Variants in KCTD19 observed in about 807,000 individuals in gnomAD.
The protein encoded by KCTD19 is BTB/POZ domain-containing protein KCTD19.
A neutral mutation model predicts 103.5 loss-of-function variants in KCTD19; 67 were observed. That is an observed-to-expected ratio of 0.65 (90% CI 0.53 to 0.79). KCTD19 has a LOEUF of 0.79. Ranked by LOEUF, KCTD19 falls within the 30% of genes least tolerant of loss-of-function variation. The probability of loss-of-function intolerance (pLI) is 0.00; values close to 1 mark genes in which losing one functional copy is unlikely to be tolerated. For missense variants in KCTD19, 980 were observed against 1,136.1 expected (o/e 0.86, Z 1.98); for synonymous variants, 439 against 452.2 (o/e 0.97, Z 0.37).
Position 67,293,847 on chromosome 16 carries a change from C to A in KCTD19, c.1915G>T (p.Val639Leu). The A allele has an allele frequency of 1.2e-6, 2 of 1,614,012 alleles. No individual in the cohort carries two copies. The highest frequency in any genetic ancestry group is 2.2e-5 in the East Asian group (1 of 44,864). ...ATPMQKLISLVREWDMVNCKQ... is the reference protein window; with the variant it reads ...ATPMQKLISLLREWDMVNCKQ... The stretch of plus-strand genomic sequence containing the variant: ...CAATTGACCATGTCCCATTCTCTCA[C>A]CAGGGAGATGAGTTTTTGCATGGGA... The change falls in exon 12 of 16, where the codon GTG becomes TTG. Residue 639 changes from valine to leucine, a missense_variant. Coordinates refer to ENST00000304372, the MANE Select transcript of KCTD19 (RefSeq NM_001100915.3). The surrounding 1 kb of genome is among the most constrained non-coding windows in gnomAD (Gnocchi z 4.0).
intron 2 of KCTD19, among the ~76,000 whole-genome samples, chr16:67,313,132 C>CAA (rs2036966123): frequency 6.7e-6 from 1 of 148,678 alleles, no homozygotes; most frequent in Non-Finnish European, 1.5e-5. Context: ...TTTTTTGAGA[C>CAA]AGAGTCTCCC....
Position 67,293,805 on chromosome 16 carries a change from G to T in KCTD19, c.1957C>A (p.Gln653Lys). Reference protein sequence around the residue: ...DMVNCKQWEFQPLTATRSSPL... With the variant: ...DMVNCKQWEFKPLTATRSSPL... ...CTGCTCCGTGTGGCTGTCAGTGGCT[G>T]GAATTCCCACTGTTTGCAATTGACC... The change falls in exon 12 of 16, where the codon CAG (glutamine) becomes AAG (lysine). Residue 653 changes from glutamine (Q) to lysine (K), a missense_variant. Physicochemically the swap from Gln to Lys is moderately conservative, Grantham distance 53. Coordinates refer to ENST00000304372, the MANE Select transcript of KCTD19 (RefSeq NM_001100915.3). This position sits in a 1 kb window ranked among gnomAD's most constrained non-coding sequence, Gnocchi z 4.0. 1 of 1,613,762 alleles carries T rather than the reference G, an allele frequency of 6.2e-7. No homozygotes were observed. The highest frequency in any genetic ancestry group is 8.5e-7 in the Non-Finnish European group (1 of 1,180,032).
chr16:67,301,907 G>A lies in KCTD19; in HGVS notation c.659C>T (p.Ser220Leu), dbSNP rs764587432. ...ATTATCCGGTAGTAAAATCTTCTGT[G>A]AGCGAAGAAAATTCACTTGAAAAAC... ...EFRFIVNFLRSQKILLPDNFS... is the reference protein window; with the variant it reads ...EFRFIVNFLRLQKILLPDNFS... The change falls in exon 5 of 16, where the codon TCA becomes TTA. Residue 220 changes from serine (S) to leucine (L), a missense_variant. Coordinates refer to ENST00000304372, the MANE Select transcript of KCTD19 (RefSeq NM_001100915.3). The A allele has an allele frequency of 2.5e-6, 4 of 1,613,846 alleles. No homozygotes were observed. In the South Asian group the frequency reaches 3.3e-5, roughly 13 times the overall value.
At chr16:67,297,377 A>C (rs1030320945) in intron 7 of KCTD19, 126 bp downstream of exon 7, 2 of 979,884 alleles carry the variant, frequency 2.0e-6, no homozygotes, top group African/African-American at 3.3e-5. Flanking sequence ...AAAATCCAAA[A>C]TATTGGCCTG....
Position 67,294,658 on chromosome 16 carries a change from T to C in KCTD19, c.1512A>G (p.Glu504=), listed in dbSNP as rs765737902. 20 of 1,608,810 alleles carry C rather than the reference T, an allele frequency of 1.2e-5. No individual in the cohort carries two copies. The highest frequency in any genetic ancestry group is 3.3e-5 in the Admixed American group (2 of 59,808). The change falls in exon 11 of 16, where the codon GAA becomes GAG. Residue 504 remains glutamate (E), a synonymous_variant. Transcript: ENST00000304372. The part of the protein sequence containing the change: ...WTQEKESENE[E]AFSIRRLHVV... ...CATGCAGCCTCCTGATGGAAAAAGC[T>C]TCTTCATTTTCAGATTCTTTCTCCT...
At chr16:67,308,058 TA>T (rs2036911771) in intron 2 of KCTD19, among the ~76,000 whole-genome samples, 2 of 152,110 alleles carry the variant, frequency 1.3e-5, no homozygotes, top group Non-Finnish European at 2.9e-5. Context: ...TTGTAAAGAT[TA>T]AATGAAATAG....
rs757095239 is a variant in KCTD19, at chr16:67,294,935, C to T, written c.1475+38G>A. The T allele has an allele frequency of 3.3e-6, 5 of 1,506,496 alleles. No individual in the cohort carries two copies. In the African/African-American group the frequency reaches 6.9e-5, roughly 21 times the overall value. 93.3% of individuals were successfully genotyped at this position (1,506,496 alleles called of 1,614,324 possible). On this transcript the variant is annotated intron_variant, in intron 10 of 15. Coordinates refer to ENST00000304372, the MANE Select transcript of KCTD19 (RefSeq NM_001100915.3). The stretch of plus-strand genomic sequence containing the variant: ...GGATTTCAAGAGGAATTTAAAGGAC[C>T]AAATTCTAAACATAGAGTCGTGATA...
At chr16:67,305,109 A>T (rs115772673) in intron 2 of KCTD19, among the ~76,000 whole-genome samples, 1,580 of 152,322 alleles carry the variant, frequency 0.01, 27 homozygotes, top group African/African-American at 0.036. Flanking sequence ...TTATAATTTT[A>T]TGTTGAGTAA....
intron 2 of KCTD19, among the ~76,000 whole-genome samples, chr16:67,308,380 G>A (rs572585112): frequency 6.6e-6 from 1 of 151,984 alleles, no homozygotes; most frequent in Admixed American, 6.6e-5. Flanking sequence ...GCCCAGGCTG[G>A]TCTCAAACTC....
At chr16:67,310,217 A>G (rs1473840339) in intron 2 of KCTD19, among the ~76,000 whole-genome samples, 1 of 152,172 alleles carries the variant, frequency 6.6e-6, no homozygotes, top group Admixed American at 6.5e-5. Flanking sequence ...AGTTTCCCCT[A>G]ATAGATATAA....
rs200302400 is a variant in KCTD19 at position 67,293,881 on chromosome 16, A to C, written c.1881T>G (p.Pro627=). 1.2e-6 allele frequency: 2 copies of C among 1,604,698 alleles called. No individual in the cohort carries two copies. The highest frequency in any genetic ancestry group is 8.5e-7 in the Non-Finnish European group (1 of 1,178,722). ...TGAGTTTTTGCATGGGAGTGGCGGGAGGGTCTTTGGTTTCAGATTTCTGTG... is the reference window on the plus strand; with the variant it reads ...TGAGTTTTTGCATGGGAGTGGCGGGCGGGTCTTTGGTTTCAGATTTCTGTG... The part of the protein sequence containing the change: ...NLTQKSETKD[P]PATPMQKLIS... Residue 627 remains proline (P), a synonymous_variant, in exon 12 of 16, where the codon CCT becomes CCG. Transcript: ENST00000304372. The surrounding 1 kb of genome is among the most constrained non-coding windows in gnomAD (Gnocchi z 4.0).
At chr16:67,311,510 C>T (rs775850906) in intron 2 of KCTD19, among the ~76,000 whole-genome samples, 54 of 152,016 alleles carry the variant, frequency 3.6e-4, no homozygotes, top group Non-Finnish European at 1.5e-4. Context: ...ACTATCTTGG[C>T]CAAGTTGGTC....
At chr16:67,314,870 GAGA>G in intron 2 of KCTD19, among the ~76,000 whole-genome samples, 1 of 142,250 alleles carries the variant, frequency 7.0e-6, no homozygotes, top group Non-Finnish European at 1.5e-5. Context: ...GAGAGAGAGA[GAGA>G]GGGGAAGGGT....
At chr16:67,312,962 AT>A (rs1010099697) in intron 2 of KCTD19, among the ~76,000 whole-genome samples, 4 of 152,132 alleles carry the variant, frequency 2.6e-5, no homozygotes, top group Non-Finnish European at 5.9e-5. Context: ...GACAGTAAAT[AT>A]TTTAGGCTTT....
chr16:67,297,725 T>G, intron 6 of KCTD19, 62 bp from the exon 7 acceptor site: 1 of 1,533,250 alleles, frequency 6.5e-7, no homozygotes, highest in Non-Finnish European at 8.9e-7. Context: ...GAGTCGAGCC[T>G]GTAAACTTTC....
intron 10 of KCTD19, 59 bp from the exon 11 acceptor site, chr16:67,294,753 G>T: frequency 8.0e-7 from 1 of 1,256,410 alleles, no homozygotes; most frequent in Non-Finnish European, 1.2e-6. Flanking sequence ...CCATTGGCCA[G>T]TTGGTCAGAT....
At chr16:67,289,847 G>A (rs889594754) in intron 15 of KCTD19, among the ~76,000 whole-genome samples, 165 bp from the exon 16 acceptor site, 1 of 152,204 alleles carries the variant, frequency 6.6e-6, no homozygotes, top group African/African-American at 2.4e-5. Flanking sequence ...CACAGGGTGG[G>A]GCTAGAAATG....
chr16:67,316,340 C>T (rs978158407), intron 2 of KCTD19, among the ~76,000 whole-genome samples: 3 of 152,194 alleles, frequency 2.0e-5, no homozygotes, highest in Non-Finnish European at 4.4e-5. Flanking sequence ...TGCCCAGCCT[C>T]TGATCACTCA....
chr16:67,290,863 A>G (rs1243200803), intron 15 of KCTD19, 22 bp downstream of exon 15: 1 of 1,596,074 alleles, frequency 6.3e-7, no homozygotes, highest in East Asian at 2.3e-5. Flanking sequence ...GTGGATTCCC[A>G]GGGATTGCAA....
Sources: gnomAD v4.1 joint callset for allele counts (sites outside exome capture counted in the v4.1 genomes callset) on GRCh38, gnomAD v4.1.1 for gene constraint, Gnocchi (gnomAD v3.1) non-coding constraint, MANE v1.5 for transcripts, NCBI Gene and HGNC (gene_info 2026-07-23, HGNC 2026-07-21) for gene names.